The following KATNB1 variants were observed in gnomAD, a reference collection of about 807,000 sequenced individuals.
KATNB1 encodes katanin p80 WD40 repeat-containing subunit B1.
KATNB1 carries 38 observed loss-of-function variants against 82.3 expected under a neutral mutation model. The observed-to-expected ratio is 0.46, with a 90% confidence interval of 0.36 to 0.61. KATNB1 has a LOEUF of 0.61. Ranked by LOEUF, KATNB1 falls within the 20% of genes least tolerant of loss-of-function variation. KATNB1 has a pLI of 0.00. For synonymous variants in KATNB1, 361 were observed against 368.7 expected (o/e 0.98, Z 0.24); for missense variants, 749 against 915.7 (o/e 0.82, Z 2.35).
Position 57,751,439 on chromosome 16 carries a change from A to G in KATNB1, c.432+137A>G. On this transcript the variant is annotated intron_variant, in intron 6 of 19. Coordinates refer to ENST00000379661, the MANE Select transcript of KATNB1 (RefSeq NM_005886.3). This position sits in a 1 kb window ranked among gnomAD's most constrained non-coding sequence, Gnocchi z 6.3. ...AACATAAAACATAGACCTGGAGCTG[A>G]GCAGGAGCGCCATGGGCGGCCCACC... is the stretch of plus-strand genomic sequence containing the variant. The G allele has an allele frequency of 9.6e-7, 1 of 1,046,064 alleles. No homozygotes were observed. The highest frequency in any genetic ancestry group is 1.5e-6 in the Non-Finnish European group (1 of 682,272). 64.8% of individuals were successfully genotyped at this position (1,046,064 alleles called of 1,614,324 possible). A position where few individuals can be genotyped will look rare whatever the true frequency, so the allele number is the denominator to read the frequency against.
intron 4 of KATNB1, among the ~76,000 whole-genome samples, chr16:57,748,311 C>T (rs1416048990): frequency 1.3e-5 from 2 of 151,954 alleles, no homozygotes; most frequent in African/African-American, 4.8e-5. Flanking sequence ...AAATTGAGGC[C>T]CCAGGTGTGG....
chr16:57,746,451 T>A (rs1216997535), intron 4 of KATNB1, among the ~76,000 whole-genome samples: 1 of 152,196 alleles, frequency 6.6e-6, no homozygotes, highest in Non-Finnish European at 1.5e-5. Flanking sequence ...TGGGTCTGCT[T>A]CCACCCTGTG....
chr16:57,754,157 G>T (rs1408881626), intron 13 of KATNB1, among the ~76,000 whole-genome samples, 162 bp downstream of exon 13: 4 of 152,078 alleles, frequency 2.6e-5, no homozygotes, highest in Admixed American at 2.6e-4. Flanking sequence ...CCTGTTATGT[G>T]CCAGGTCCCT....
At chr16:57,755,531 C>T (rs782766532) in intron 16 of KATNB1, 37 bp downstream of exon 16, 24 of 1,592,782 alleles carry the variant, frequency 1.5e-5, no homozygotes, top group Non-Finnish European at 1.8e-5. Context: ...TCATCTCGCC[C>T]CCCTGCCCCT....
chr16:57,744,776 C>CGTGTGTGT (rs60853487), intron 4 of KATNB1, among the ~76,000 whole-genome samples: 1 of 149,408 alleles, frequency 6.7e-6, no homozygotes, highest in Admixed American at 6.6e-5. Context: ...TCTGCGGGCA[C>CGTGTGTGT]GTGTGTGTGT....
rs564320118 is a variant in KATNB1 at position 57,756,914 on chromosome 16, G to A, written c.1936G>A (p.Glu646Lys). The A allele has an allele frequency of 4.5e-6, 7 of 1,550,306 alleles. No individual in the cohort carries two copies. The highest frequency in any genetic ancestry group is 2.4e-5 in the East Asian group (1 of 41,048). ...CGGCCGCCATGGCAGTACCTTCCGC[G>A]AGCTGCACCTGCTCATGGCCAGTCT... The part of the protein sequence containing the change: ...LSGRHGSTFR[E>K]LHLLMASLD Residue 646 changes from glutamate (E) to lysine (K), a missense_variant, in exon 20 of 20, where the codon GAG (glutamate) becomes AAG (lysine). Physicochemically the swap from Glu to Lys is moderately conservative, Grantham distance 56 (BLOSUM62 1). Coordinates refer to ENST00000379661, the MANE Select transcript of KATNB1 (RefSeq NM_005886.3).
At position 57,750,834 on chromosome 16, in the gene KATNB1, C is replaced by A. The variant is rs781918766; in HGVS notation, c.297C>A (p.Arg99=). Residue 99 remains arginine (R), a synonymous_variant, in exon 5 of 20, where the codon CGC becomes CGA. Transcript: ENST00000379661. ...VWDLEAAKIL[R]TLMGHKANIC... is the part of the protein sequence containing the mutation. ...TGCTTTCCTTCTTGTTAGTTCTTCGCACACTCATGGGACACAAAGCCAACA... is the reference window on the plus strand; with the variant it reads ...TGCTTTCCTTCTTGTTAGTTCTTCGAACACTCATGGGACACAAAGCCAACA... The A allele has an allele frequency of 6.2e-7, 1 of 1,613,860 alleles. No homozygotes were observed. Among genetic ancestry groups the A allele is most frequent in the African/African-American group, 1.3e-5 (1 of 74,928 alleles).
chr16:57,752,178 G>A (rs970888351), intron 8 of KATNB1, 123 bp downstream of exon 8: 17 of 715,014 alleles, frequency 2.4e-5, no homozygotes, highest in Non-Finnish European at 4.2e-5. Context: ...GATCCTGTGT[G>A]GACTGAATTG....
intron 18 of KATNB1, 114 bp downstream of exon 18, chr16:57,756,180 G>A: frequency 3.9e-6 from 5 of 1,279,670 alleles, no homozygotes; most frequent in South Asian, 1.3e-5. Flanking sequence ...TGAGCTGGCT[G>A]TGAAGCATTG....
chr16:57,740,100 G>T (rs1159095874), intron 2 of KATNB1, among the ~76,000 whole-genome samples: 2 of 152,182 alleles, frequency 1.3e-5, no homozygotes, highest in African/African-American at 4.8e-5. Context: ...CACGTCTGTG[G>T]CTGGAATTCC....
chr16:57,755,829 C>T lies in KATNB1; in HGVS notation c.1567-12C>T, dbSNP rs373470217. The T allele has an allele frequency of 4.4e-6, 7 of 1,578,362 alleles. No homozygotes were observed. The highest frequency in any genetic ancestry group is 6.1e-6 in the Non-Finnish European group (7 of 1,155,128). On this transcript the variant is annotated splice_polypyrimidine_tract_variant and intron_variant, in intron 16 of 19. Coordinates refer to ENST00000379661, the MANE Select transcript of KATNB1 (RefSeq NM_005886.3). ...CCACTGCCCCACCCCTGACGGTGCT[C>T]TGTTTGCACAGACGTCGGTGGACTC...
rs782530563 is a variant in KATNB1 at position 57,756,475 on chromosome 16, G to A, written c.1835+3G>A. 5.6e-6 allele frequency: 9 copies of A among 1,611,350 alleles called. No individual in the cohort carries two copies. The African/African-American group carries it at 1.2e-4, about 22-fold the overall frequency. ...GTGGATATCAGCAGGGAGGAGAGGT[G>A]AGGGCAGCGCATGTGTTGGGGGCAG... is the stretch of plus-strand genomic sequence containing the variant. On this transcript the variant is annotated splice_donor_region_variant and intron_variant, in intron 19 of 19. Coordinates refer to ENST00000379661, the MANE Select transcript of KATNB1 (RefSeq NM_005886.3).
chr16:57,752,389 C>T, intron 8 of KATNB1, 141 bp from the exon 9 acceptor site: 2 of 799,148 alleles, frequency 2.5e-6, no homozygotes, highest in East Asian at 2.7e-5. Flanking sequence ...CTTGCAAAGT[C>T]AGGGCCAGCT....
chr16:57,753,051 C>G, intron 10 of KATNB1, 26 bp from the exon 11 acceptor site: 1 of 1,591,894 alleles, frequency 6.3e-7, no homozygotes, highest in Non-Finnish European at 8.5e-7. Context: ...CTTGCAGTCC[C>G]AGCCCCACCT....
intron 2 of KATNB1, among the ~76,000 whole-genome samples, 199 bp downstream of exon 2, chr16:57,737,482 C>T (rs1157672384): frequency 6.6e-6 from 1 of 152,198 alleles, no homozygotes; most frequent in African/African-American, 2.4e-5. Context: ...CTTAACCTCT[C>T]TGAGGCTCAG....
rs1376425593 is a variant in KATNB1, at chr16:57,754,111, G to C, written c.1228+116G>C. Reference sequence around the variant, plus strand: ...CCAGGACCCTCCCCTCTCAGGACACGACCCACACCCTCTCCCGCTGGGTCT... The same window carrying C: ...CCAGGACCCTCCCCTCTCAGGACACCACCCACACCCTCTCCCGCTGGGTCT... On this transcript the variant is annotated intron_variant, in intron 13 of 19. Coordinates refer to ENST00000379661, the MANE Select transcript of KATNB1 (RefSeq NM_005886.3). 58 of 849,776 alleles carry C rather than the reference G, an allele frequency of 6.8e-5. No individual in the cohort carries two copies. The South Asian group carries it at 7.6e-4, about 11-fold the overall frequency. 52.6% of individuals were successfully genotyped at this position (849,776 alleles called of 1,614,324 possible).
chr16:57,748,496 A>C (rs1355083297), intron 4 of KATNB1, among the ~76,000 whole-genome samples: 23 of 148,882 alleles, frequency 1.5e-4, no homozygotes, highest in Non-Finnish European at 5.9e-5. Flanking sequence ...GGAGAGAGAG[A>C]GAGCTGCCTC....
chr16:57,736,163 C>A (rs2049097843), intron 1 of KATNB1: 1 of 152,432 alleles, frequency 6.6e-6, no homozygotes, highest in Non-Finnish European at 1.5e-5. Context: ...GAATGGGAGA[C>A]CCCGCGAGCA....
rs781918766 is a variant in KATNB1 at position 57,750,834 on chromosome 16, C to G, written c.297C>G (p.Arg99=). The G allele has an allele frequency of 6.2e-7, 1 of 1,613,978 alleles. No individual in the cohort carries two copies. Among genetic ancestry groups the G allele is most frequent in the South Asian group, 1.1e-5 (1 of 91,086 alleles). ...VWDLEAAKIL[R]TLMGHKANIC... is the part of the protein sequence containing the mutation. ...TGCTTTCCTTCTTGTTAGTTCTTCG[C>G]ACACTCATGGGACACAAAGCCAACA... is the stretch of plus-strand genomic sequence containing the variant. The change falls in exon 5 of 20, where the codon CGC becomes CGG. Residue 99 remains arginine (R), a synonymous_variant. Transcript: ENST00000379661.
Sources: allele counts gnomAD v4.1 joint callset (sites outside exome capture counted in the v4.1 genomes callset), GRCh38; gene constraint gnomAD v4.1.1; non-coding constraint Gnocchi (gnomAD v3.1); transcripts MANE v1.5; gene names NCBI Gene and HGNC (gene_info 2026-07-23, HGNC 2026-07-21).